BMS1: variants seen among roughly 807,000 people sequenced by gnomAD.
BMS1 encodes the protein BMS1 ribosome biogenesis factor.
Under a neutral mutation model 138.7 loss-of-function variants are expected in BMS1, and 53 were observed. That is an observed-to-expected ratio of 0.38 (90% confidence interval 0.31 to 0.48). The LOEUF (loss-of-function observed/expected upper bound fraction) is 0.48. Ranked by LOEUF, BMS1 falls within the 20% of genes least tolerant of loss-of-function variation. The pLI is 0.97. For missense variants in BMS1, 1,360 were observed against 1,565.5 expected (o/e 0.87, Z 2.22); for synonymous variants, 504 against 539.9 (o/e 0.93, Z 0.92).
At chr10:42,793,266 A>G in intron 8 of BMS1, 122 bp downstream of exon 8, 4 of 983,630 alleles carry the variant, frequency 4.1e-6, no homozygotes, top group Middle Eastern at 3.0e-4. Context: ...TGTACTTATA[A>G]TAAAGGCCCA....
intron 5 of BMS1, among the ~76,000 whole-genome samples, chr10:42,791,384 C>T (rs998595214): frequency 7.9e-5 from 12 of 152,080 alleles, no homozygotes; most frequent in South Asian, 2.1e-4. Flanking sequence ...TGTGCTCAGA[C>T]GCCTCACCTC....
Position 42,814,147 on chromosome 10 carries a change from A to G in BMS1, c.2330-2452A>G, listed in dbSNP as rs151270960. On this transcript the variant is annotated intron_variant, in intron 13 of 22. Transcript: ENST00000374518. ...AATCTGTAAGTTTATATCTTTCACTAAATGTGGGAAGCGTCAGGAATTAGT... is the reference window on the plus strand; with the variant it reads ...AATCTGTAAGTTTATATCTTTCACTGAATGTGGGAAGCGTCAGGAATTAGT... Among the ~76,000 whole-genome samples the G allele has an allele frequency of 5.3e-5, 8 of 152,322 alleles. No individual in the cohort carries two copies. The East Asian group carries it at 1.5e-3, about 29-fold the overall frequency.
intron 13 of BMS1, among the ~76,000 whole-genome samples, chr10:42,811,441 T>A (rs1340598471): frequency 6.6e-6 from 1 of 151,950 alleles, no homozygotes; most frequent in Non-Finnish European, 1.5e-5. Context: ...TTCTCATTTC[T>A]AATGTGAGCA....
intron 13 of BMS1, among the ~76,000 whole-genome samples, chr10:42,807,409 T>C (rs1257783457): frequency 6.6e-6 from 1 of 152,230 alleles, no homozygotes; most frequent in Non-Finnish European, 1.5e-5. Flanking sequence ...TGCTCCATTG[T>C]ATGGATGTAC....
rs1842763178 is a variant in BMS1, at chr10:42,830,278, G to T, written c.3474G>T (p.Lys1158Asn). 6.2e-7 allele frequency: 1 copy of T among 1,612,736 alleles called. No individual in the cohort carries two copies. Among genetic ancestry groups the T allele is most frequent in the African/African-American group, 1.3e-5 (1 of 74,922 alleles). ...DSLYKPILRQ[K>N]KHFNSLHIPK... ...CTTTTCAGCCAATCCTGAGGCAAAAGAAACATTTTAATTCACTGCACATTC... is the reference window on the plus strand; with the variant it reads ...CTTTTCAGCCAATCCTGAGGCAAAATAAACATTTTAATTCACTGCACATTC... Residue 1158 changes from lysine (K) to asparagine (N), a missense_variant, in exon 22 of 23, where the codon AAG (lysine) becomes AAT (asparagine). Transcript: ENST00000374518.
In BMS1 at chr10:42,793,904, C is replaced by T; in HGVS notation, c.1142C>T (p.Ser381Phe). The T allele has an allele frequency of 6.2e-7, 1 of 1,611,798 alleles. No homozygotes were observed. Among genetic ancestry groups the T allele is most frequent in the East Asian group, 2.2e-5 (1 of 44,852 alleles). The change falls in exon 9 of 23, where the codon TCC (serine) becomes TTC (phenylalanine). Residue 381 changes from serine (S) to phenylalanine (F), a missense_variant. Physicochemically the swap from Ser to Phe is radical, Grantham distance 155 (BLOSUM62 -2). Around this residue, in one of 3 missense-constraint regions of BMS1, gnomAD observed 697 missense variants for 686.2 expected, o/e 1.02. Coordinates refer to ENST00000374518, the MANE Select transcript of BMS1 (RefSeq NM_014753.4). ...ELVQSLISTH[S>F]TIDAKMASSR... is the part of the protein sequence containing the mutation. ...GTCCAGAGTCTCATCTCTACCCACT[C>T]CACCATTGATGCCAAGATGGCTTCA...
intron 21 of BMS1, among the ~76,000 whole-genome samples, chr10:42,829,870 G>C (rs1842753391): frequency 1.3e-5 from 2 of 152,148 alleles, no homozygotes; most frequent in African/African-American, 2.4e-5. Flanking sequence ...TGATAGTCAA[G>C]ACAAAAAGCT....
rs577408784 is a variant in BMS1 at position 42,782,807 on chromosome 10, C to G, written c.-57C>G. The G allele has an allele frequency of 6.5e-6, 1 of 154,250 alleles. No individual in the cohort carries two copies. The highest frequency in any genetic ancestry group is 2.1e-4 in the South Asian group (1 of 4,826). 9.6% of individuals were successfully genotyped at this position (154,250 alleles called of 1,614,324 possible). ...CGTTTCCGGCGGTGTCCATGCTGAC[C>G]TGAGGAGTCGCGGCTGCGAGCAGGT... On this transcript the variant is annotated 5_prime_UTR_variant, in exon 1 of 23. Coordinates refer to ENST00000374518, the MANE Select transcript of BMS1 (RefSeq NM_014753.4).
At chr10:42,783,388 A>G (rs145321909) in intron 1 of BMS1, among the ~76,000 whole-genome samples, 40 of 152,256 alleles carry the variant, frequency 2.6e-4, no homozygotes, top group African/African-American at 9.1e-4. Flanking sequence ...CAGCCTTCCA[A>G]TGTCGCCCTT....
intron 13 of BMS1, among the ~76,000 whole-genome samples, chr10:42,812,129 C>T (rs1842202772): frequency 6.6e-6 from 1 of 152,138 alleles, no homozygotes; most frequent in Non-Finnish European, 1.5e-5. Context: ...TTTGCTGGCT[C>T]ACTGTTCAGA....
chr10:42,822,105 A>G lies in BMS1; in HGVS notation c.3053A>G (p.Asp1018Gly). 6.3e-7 allele frequency: 1 copy of G among 1,586,196 alleles called. No individual in the cohort carries two copies. The highest frequency in any genetic ancestry group is 8.5e-7 in the Non-Finnish European group (1 of 1,171,358). Residue 1018 changes from aspartate (D) to glycine (G), a missense_variant, in exon 19 of 23, where the codon GAT becomes GGT. This residue lies in a region of BMS1 where 425 missense variants were observed against 568.3 expected (regional missense o/e 0.75). Transcript: ENST00000374518. ...IAATGVVLDL[D>G]KSIKIVKKLK... ...GCTACAGGAGTTGTCCTTGATCTGG[A>G]TAAATCCATAAAAATTGTGAAGAAA...
intron 13 of BMS1, among the ~76,000 whole-genome samples, chr10:42,805,753 T>A (rs1002018275): frequency 9.9e-5 from 15 of 152,096 alleles, no homozygotes; most frequent in African/African-American, 3.4e-4. Context: ...GAAATGCAGT[T>A]GATTTTTTTT....
At chr10:42,794,043 A>G (rs757203994) in intron 9 of BMS1, 52 bp downstream of exon 9, 23 of 1,580,264 alleles carry the variant, frequency 1.5e-5, no homozygotes, top group Non-Finnish European at 1.9e-5. Flanking sequence ...ACAAAAGATC[A>G]TATCACCCAT....
chr10:42,815,498 G>A (rs1210578973), intron 13 of BMS1, among the ~76,000 whole-genome samples: 1 of 152,076 alleles, frequency 6.6e-6, no homozygotes, highest in Non-Finnish European at 1.5e-5. Context: ...TGGCCCTTAT[G>A]TGAAAATGTT....
intron 21 of BMS1, among the ~76,000 whole-genome samples, chr10:42,824,488 G>T (rs1842585544): frequency 6.6e-6 from 1 of 152,068 alleles, no homozygotes; most frequent in South Asian, 2.1e-4. Flanking sequence ...TTAGTTTGAT[G>T]CAGTCCTCCT....
intron 3 of BMS1, 49 bp from the exon 4 acceptor site, chr10:42,787,119 G>A (rs1248534111): frequency 2.6e-6 from 2 of 769,760 alleles, no homozygotes; most frequent in East Asian, 2.5e-5. Flanking sequence ...GATGGTTAGA[G>A]TTTTTTCAGG....
intron 15 of BMS1, 180 bp from the exon 16 acceptor site, chr10:42,820,056 T>A (rs996161807): frequency 5.5e-5 from 17 of 308,416 alleles, no homozygotes; most frequent in Non-Finnish European, 8.0e-5. Flanking sequence ...CCTCCCAAAG[T>A]GCTGGGATTA....
At chr10:42,800,525 ATTT>A (rs71533043) in intron 12 of BMS1, among the ~76,000 whole-genome samples, 4 of 131,300 alleles carry the variant, frequency 3.0e-5, no homozygotes, top group Non-Finnish European at 3.3e-5. Flanking sequence ...TAAATGCTTG[ATTT>A]TTTTTTTTTT....
At chr10:42,800,383 C>A (rs528802853) in intron 12 of BMS1, among the ~76,000 whole-genome samples, 2 of 152,208 alleles carry the variant, frequency 1.3e-5, no homozygotes, top group African/African-American at 4.8e-5. Flanking sequence ...TGCCTAGAAC[C>A]ATACCAATTT....
Sources: allele counts gnomAD v4.1 joint callset (sites outside exome capture counted in the v4.1 genomes callset), GRCh38; gene constraint gnomAD v4.1.1; regional missense constraint gnomAD v4.1.1; transcripts MANE v1.5; gene names NCBI Gene and HGNC (gene_info 2026-07-23, HGNC 2026-07-21).